Variants in BPNT1 observed in about 807,000 individuals in gnomAD.
BPNT1 encodes the protein 3'(2'), 5'-bisphosphate nucleotidase 1.
In BPNT1, 28 loss-of-function variants were observed where a neutral mutation model predicts 36.9. That is an observed-to-expected ratio of 0.76 (90% CI 0.56 to 1.04). The LOEUF is 1.04. Ranked by LOEUF, BPNT1 falls within the 50% of genes least tolerant of loss-of-function variation. BPNT1 has a pLI of 0.00. For synonymous variants in BPNT1, 119 were observed against 130.9 expected, an observed-to-expected ratio of 0.91 and a Z score of 0.62; for missense variants, 313 against 372.9, an observed-to-expected ratio of 0.84 and a Z score of 1.32.
rs963089460 is a variant in BPNT1 at position 220,067,948 on chromosome 1, T to C, written c.383-555A>G. ...TAGGTGCTTTTATACACATTAAAGT[T>C]GTCTAGAGCTTCCTTATTTCACAAT... On this transcript the variant is annotated intron_variant, in intron 5 of 8. Transcript: ENST00000322067. Among the ~76,000 whole-genome samples, 5 of 152,318 alleles carry C rather than the reference T, an allele frequency of 3.3e-5. No homozygotes were observed. The South Asian group carries it at 1.0e-3, about 32-fold the overall frequency.
chr1:220,064,010 A>G (rs1663302422), intron 6 of BPNT1, among the ~76,000 whole-genome samples: 1 of 152,220 alleles, frequency 6.6e-6, no homozygotes, highest in Non-Finnish European at 1.5e-5. Flanking sequence ...AGAGATATAC[A>G]TATTGTACTG....
chr1:220,077,749 T>C (rs1354018654), intron 2 of BPNT1, among the ~76,000 whole-genome samples: 1 of 152,196 alleles, frequency 6.6e-6, no homozygotes, highest in Non-Finnish European at 1.5e-5. Flanking sequence ...GATATATCAC[T>C]CATAAGTGAG....
At chr1:220,078,966 T>G (rs1329915137) in intron 2 of BPNT1, among the ~76,000 whole-genome samples, 1 of 152,196 alleles carries the variant, frequency 6.6e-6, no homozygotes, top group Non-Finnish European at 1.5e-5. Flanking sequence ...CACTATAAAC[T>G]TTCTGATAAT....
At chr1:220,079,583 C>T (rs2102738865) in intron 2 of BPNT1, 144 bp downstream of exon 2, 1 of 1,012,228 alleles carries the variant, frequency 9.9e-7, no homozygotes, top group East Asian at 2.7e-5. Context: ...AGATGGAACC[C>T]TTTAGAACCA....
intron 2 of BPNT1, 124 bp downstream of exon 2, chr1:220,079,603 C>T (rs1664917142): frequency 4.2e-6 from 5 of 1,189,420 alleles, no homozygotes; most frequent in Non-Finnish European, 4.8e-6. Context: ...AAGCGTCTTG[C>T]AGTCTCCCTA....
chr1:220,072,811 C>T (rs754462527), intron 4 of BPNT1, 39 bp downstream of exon 4: 5 of 1,525,966 alleles, frequency 3.3e-6, no homozygotes, highest in Non-Finnish European at 4.5e-6. Context: ...GGCAAAAAGC[C>T]CAGGTTAATA....
At chr1:220,085,670 A>G (rs1220005001) in intron 1 of BPNT1, among the ~76,000 whole-genome samples, 2 of 152,232 alleles carry the variant, frequency 1.3e-5, no homozygotes, top group Non-Finnish European at 2.9e-5. Flanking sequence ...CTCCAACAGT[A>G]TTCTGACCTT....
intron 1 of BPNT1, among the ~76,000 whole-genome samples, chr1:220,088,806 G>GAAAAGA (rs375817985): frequency 0.018 from 2,577 of 143,648 alleles, 40 homozygotes; most frequent in South Asian, 0.096. Flanking sequence ...AAAAAAAAAA[G>GAAAAGA]AAAGAAAGAA....
At position 220,067,311 on chromosome 1, in the gene BPNT1, G is replaced by A. The variant is rs1447244451; in HGVS notation, c.465C>T (p.Tyr155=). 1 of 1,592,252 alleles carries A rather than the reference G, an allele frequency of 6.3e-7. No homozygotes were observed. Among genetic ancestry groups the A allele is most frequent in the Non-Finnish European group, 8.6e-7 (1 of 1,162,052 alleles). The change falls in exon 6 of 9, where the codon TAC becomes TAT. Residue 155 remains tyrosine, a synonymous_variant. Transcript: ENST00000322067. ...TCATTTATAGTAATACCTCATAGTT[G>A]TAATATGGCTGGTTAATAACTCCTG... is the stretch of plus-strand genomic sequence containing the variant. ...AIAGVINQPY[Y]NYEAGPDAVL... is the part of the protein sequence containing the mutation.
intron 2 of BPNT1, among the ~76,000 whole-genome samples, chr1:220,078,422 A>G (rs9430911): frequency 7.0e-6 from 1 of 142,528 alleles, no homozygotes; most frequent in Non-Finnish European, 1.5e-5. Flanking sequence ...TTATAATAAT[A>G]AATAATAATT....
Position 220,072,851 on chromosome 1 carries a change from T to C in BPNT1, c.332A>G (p.Asp111Gly). ...PSQYSAIKEE[D>G]LVVWVDPLDG... ...GTTGAGTATAAATATGGGTCATACATCTTCTTCTTTAATAGCACTGTACTG... is the reference window on the plus strand; with the variant it reads ...GTTGAGTATAAATATGGGTCATACACCTTCTTCTTTAATAGCACTGTACTG... Residue 111 changes from aspartate to glycine, a missense_variant and splice_region_variant, in exon 4 of 9, where the codon GAT becomes GGT. Physicochemically the swap from Asp to Gly is moderately conservative, Grantham distance 94. Transcript: ENST00000322067. 9 of 1,612,044 alleles carry C rather than the reference T, an allele frequency of 5.6e-6. No individual in the cohort carries two copies. Among genetic ancestry groups the C allele is most frequent in the Non-Finnish European group, 7.6e-6 (9 of 1,178,104 alleles).
At chr1:220,079,637 T>C in intron 2 of BPNT1, 90 bp downstream of exon 2, 1 of 1,504,772 alleles carries the variant, frequency 6.6e-7, no homozygotes, top group South Asian at 1.2e-5. Context: ...TTATTTTAAC[T>C]GATAAAGTCT....
At chr1:220,067,421 T>C (rs761034332) in intron 5 of BPNT1, 28 bp from the exon 6 acceptor site, 7 of 1,517,558 alleles carry the variant, frequency 4.6e-6, no homozygotes, top group South Asian at 2.3e-5. Flanking sequence ...ATATCAGTTA[T>C]ATAACTTGCT....
At chr1:220,078,594 C>CAT (rs957959788) in intron 2 of BPNT1, among the ~76,000 whole-genome samples, 12 of 141,734 alleles carry the variant, frequency 8.5e-5, no homozygotes, top group East Asian at 4.0e-4. Flanking sequence ...TAATAACACA[C>CAT]ATATATATAT....
intron 4 of BPNT1, among the ~76,000 whole-genome samples, chr1:220,071,875 C>G (rs573528201): frequency 6.6e-6 from 1 of 151,442 alleles, no homozygotes; most frequent in Non-Finnish European, 1.5e-5. Context: ...TTAGAAGAGA[C>G]GGGGATTCTC....
At chr1:220,088,989 T>C (rs1020823800) in intron 1 of BPNT1, among the ~76,000 whole-genome samples, 2 of 149,546 alleles carry the variant, frequency 1.3e-5, no homozygotes, top group African/African-American at 4.9e-5. Flanking sequence ...TAGTCCCAGC[T>C]ACTCGGGAGG....
chr1:220,073,727 G>A (rs1664291954), intron 3 of BPNT1, among the ~76,000 whole-genome samples: 1 of 152,068 alleles, frequency 6.6e-6, no homozygotes, highest in African/African-American at 2.4e-5. Flanking sequence ...TGTATGCTGG[G>A]TATAACAGTA....
intron 1 of BPNT1, among the ~76,000 whole-genome samples, chr1:220,080,494 G>C (rs748523584): frequency 6.6e-6 from 1 of 152,180 alleles, no homozygotes. Context: ...TTCAGCATGG[G>C]TGGGGAGGCC....
In BPNT1 at chr1:220,062,886, C is replaced by T. The variant is rs2102638961; in HGVS notation, c.543G>A (p.Gln181=). The T allele has an allele frequency of 6.2e-7, 1 of 1,614,142 alleles. No homozygotes were observed. Among genetic ancestry groups the T allele is most frequent in the African/African-American group, 1.3e-5 (1 of 75,030 alleles). ...GTTTCCCAGCAGGGACTTCTTTCAG[C>T]TGAAACCCAAAGGCGCCTAAACCTA... is the stretch of plus-strand genomic sequence containing the variant. The part of the protein sequence containing the change: ...GVLGLGAFGF[Q]LKEVPAGKHI... The change falls in exon 7 of 9, where the codon CAG becomes CAA. Residue 181 remains glutamine (Q), a synonymous_variant. Transcript: ENST00000322067.
Sources: allele counts gnomAD v4.1 joint callset (sites outside exome capture counted in the v4.1 genomes callset), GRCh38; gene constraint gnomAD v4.1.1; transcripts MANE v1.5; gene names NCBI Gene and HGNC (gene_info 2026-07-23, HGNC 2026-07-21).